TPGS2: variants seen among roughly 807,000 people sequenced by gnomAD.
The protein encoded by TPGS2 is polyglutamylase subunit 2.
TPGS2 carries 26 observed loss-of-function variants against 31.1 expected under a neutral mutation model. That is an observed-to-expected ratio of 0.84 (90% confidence interval 0.61 to 1.16). The LOEUF is 1.16. Ranked by LOEUF, TPGS2 falls within the 50% of genes most tolerant of loss-of-function variation. The pLI is 0.00. For missense variants in TPGS2, 351 were observed against 363.8 expected (o/e 0.96, Z 0.29); for synonymous variants, 130 against 136.6 (o/e 0.95, Z 0.34).
rs2045249031 is a variant in TPGS2, at chr18:36,808,057, G to C, written c.166-123C>G. 4.4e-6 allele frequency: 4 copies of C among 913,350 alleles called. No homozygotes were observed. The African/African-American group carries it at 5.0e-5, about 11-fold the overall frequency. 56.6% of individuals were successfully genotyped at this position (913,350 alleles called of 1,614,324 possible). A position where few individuals can be genotyped will look rare whatever the true frequency, so the allele number is the denominator to read the frequency against. On this transcript the variant is annotated intron_variant, in intron 2 of 6. Coordinates refer to ENST00000334295, the MANE Select transcript of TPGS2 (RefSeq NM_015476.4). ...TCCCTGAAATAGGAAGGCTCTGATAGTCACCTACAAAACTCTATTAGAGAG... is the reference window on the plus strand; with the variant it reads ...TCCCTGAAATAGGAAGGCTCTGATACTCACCTACAAAACTCTATTAGAGAG...
intron 1 of TPGS2, among the ~76,000 whole-genome samples, chr18:36,827,698 CTCCTATATGTCT>C (rs1396158744): frequency 2.0e-5 from 3 of 152,218 alleles, no homozygotes; most frequent in Non-Finnish European, 4.4e-5. Flanking sequence ...TTCTGGCTAA[CTCCTATATGTCT>C]TTCAAAATCT....
downstream of TPGS2, among the ~76,000 whole-genome samples, chr18:36,791,574 A>G (rs1180083433): frequency 6.6e-6 from 1 of 152,208 alleles, no homozygotes; most frequent in African/African-American, 2.4e-5. Context: ...TAGAAAGTCA[A>G]TGGCTGGAAA....
chr18:36,783,281 T>C (rs900697265), intron 6 of TPGS2: 9 of 379,684 alleles, frequency 2.4e-5, no homozygotes, highest in African/African-American at 1.9e-4. Flanking sequence ...GGATGTTAAA[T>C]TTTTCTAAAA....
intron 4 of TPGS2, among the ~76,000 whole-genome samples, chr18:36,803,486 T>C (rs1231504729): frequency 6.6e-6 from 1 of 152,224 alleles, no homozygotes; most frequent in African/African-American, 2.4e-5. Flanking sequence ...TTTTCTCATC[T>C]GTTCAACTTG....
At chr18:36,823,292 G>A (rs1159546000) in intron 1 of TPGS2, among the ~76,000 whole-genome samples, 2 of 152,102 alleles carry the variant, frequency 1.3e-5, no homozygotes, top group East Asian at 3.9e-4. Flanking sequence ...CCTTTTGGTT[G>A]CAGGACTGAA....
Position 36,828,887 on chromosome 18 carries a change from G to A in TPGS2, c.-120C>T. 4 of 1,280,656 alleles carry A rather than the reference G, an allele frequency of 3.1e-6. No individual in the cohort carries two copies. Among genetic ancestry groups the A allele is most frequent in the Non-Finnish European group, 4.3e-6 (4 of 931,438 alleles). The allele number at this position is 1,280,656 out of a possible 1,614,324, so 79.3% of individuals were successfully genotyped here. A position where few individuals can be genotyped will look rare whatever the true frequency, so the allele number is the denominator to read the frequency against. On this transcript the variant is annotated 5_prime_UTR_variant, in exon 1 of 7. Coordinates refer to ENST00000334295, the MANE Select transcript of TPGS2 (RefSeq NM_015476.4). ...AGTTCTCGGCGCCTGAAAGCGCGGC[G>A]CAGTGATGATGGGGGCCCGGGGTTG...
intron 2 of TPGS2, among the ~76,000 whole-genome samples, chr18:36,810,375 CA>C (rs2045365564): frequency 6.6e-6 from 1 of 152,034 alleles, no homozygotes; most frequent in Non-Finnish European, 1.5e-5. Context: ...GCCAGTGACT[CA>C]GTTACTGCCG....
rs1568042130 is a variant in TPGS2, at chr18:36,828,904, C to G, written c.-137G>C. 5.3e-6 allele frequency: 6 copies of G among 1,139,158 alleles called. No individual in the cohort carries two copies. In the East Asian group the frequency reaches 1.6e-4, roughly 29 times the overall value. 70.6% of individuals were successfully genotyped at this position (1,139,158 alleles called of 1,614,324 possible). A position where few individuals can be genotyped will look rare whatever the true frequency, so the allele number is the denominator to read the frequency against. On this transcript the variant is annotated 5_prime_UTR_variant, in exon 1 of 7. Coordinates refer to ENST00000334295, the MANE Select transcript of TPGS2 (RefSeq NM_015476.4). ...AGCGCGGCGCAGTGATGATGGGGGC[C>G]CGGGGTTGGTCTGACAGCAGCAGCT...
intron 6 of TPGS2, among the ~76,000 whole-genome samples, chr18:36,784,059 AG>A: frequency 6.6e-6 from 1 of 152,334 alleles, no homozygotes; most frequent in South Asian, 2.1e-4. Flanking sequence ...GGCAAGGAAT[AG>A]GTGCTGCCCT....
intron 2 of TPGS2, among the ~76,000 whole-genome samples, chr18:36,812,381 G>A (rs746392527): frequency 2.6e-5 from 4 of 152,126 alleles, no homozygotes; most frequent in Non-Finnish European, 5.9e-5. Flanking sequence ...GGGCTGAAGG[G>A]TAAGTTGATT....
intron 4 of TPGS2, among the ~76,000 whole-genome samples, chr18:36,801,939 A>G (rs1201941704): frequency 1.3e-5 from 2 of 152,218 alleles, no homozygotes; most frequent in African/African-American, 4.8e-5. Context: ...CTCCAATTAC[A>G]CATACATTAT....
At position 36,794,225 on chromosome 18, in the gene TPGS2, TGTAAAG is replaced by T. The variant is rs2044418474; in HGVS notation, c.*2574_*2579del. 3.2e-6 allele frequency: 3 copies of T among 942,802 alleles called. No individual in the cohort carries two copies. The Admixed American group carries it at 1.8e-4, about 58-fold the overall frequency. 58.4% of individuals were successfully genotyped at this position (942,802 alleles called of 1,614,324 possible). The stretch of plus-strand genomic sequence containing the variant: ...AGGAAAAACATTACATTTTAGTACC[TGTAAAG>T]GTAATGTTTTCCTGCTGTTTGCACA... On this transcript the variant is annotated 3_prime_UTR_variant, in exon 7 of 7. Transcript: ENST00000334295.
chr18:36,812,005 A>T (rs1053773009), intron 2 of TPGS2, among the ~76,000 whole-genome samples: 5 of 152,226 alleles, frequency 3.3e-5, no homozygotes, highest in African/African-American at 1.2e-4. Context: ...AAATGTAAAC[A>T]CAAGTCCAAA....
intron 1 of TPGS2, among the ~76,000 whole-genome samples, chr18:36,825,637 G>C (rs982855641): frequency 6.6e-6 from 1 of 152,028 alleles, no homozygotes; most frequent in South Asian, 2.1e-4. Flanking sequence ...CAGTTAAGTG[G>C]CATAAAGTAC....
At chr18:36,825,612 T>C (rs1208205431) in intron 1 of TPGS2, among the ~76,000 whole-genome samples, 2 of 152,202 alleles carry the variant, frequency 1.3e-5, no homozygotes, top group Middle Eastern at 3.2e-3. Context: ...ATCATTTTAG[T>C]CAATTTTAAG....
At chr18:36,813,146 C>G (rs958285267) in intron 2 of TPGS2, among the ~76,000 whole-genome samples, 1 of 152,188 alleles carries the variant, frequency 6.6e-6, no homozygotes, top group African/African-American at 2.4e-5. Flanking sequence ...TTCCTTAAGC[C>G]AAACATATTC....
chr18:36,797,489 G>GT (rs2044588202), intron 6 of TPGS2, among the ~76,000 whole-genome samples: 1 of 149,226 alleles, frequency 6.7e-6, no homozygotes, highest in African/African-American at 2.5e-5. Flanking sequence ...GAGGGATGCT[G>GT]TATCTTGTTG....
chr18:36,783,888 C>G (rs1187595204), intron 6 of TPGS2, among the ~76,000 whole-genome samples: 1 of 152,128 alleles, frequency 6.6e-6, no homozygotes, highest in Admixed American at 6.5e-5. Flanking sequence ...GGGGATTATC[C>G]TGGATCATCC....
chr18:36,785,770 G>A (rs1394709825), intron 6 of TPGS2, among the ~76,000 whole-genome samples: 2 of 152,134 alleles, frequency 1.3e-5, no homozygotes, highest in African/African-American at 2.4e-5. Context: ...TATATGTATA[G>A]GAAAATTATA....
Sources: allele counts gnomAD v4.1 joint callset (sites outside exome capture counted in the v4.1 genomes callset), GRCh38; gene constraint gnomAD v4.1.1; transcripts MANE v1.5; gene names NCBI Gene and HGNC (gene_info 2026-07-23, HGNC 2026-07-21).